The following UPP1 variants were observed in gnomAD, a reference collection of about 807,000 sequenced individuals.
The protein encoded by UPP1 is UPase 1.
Under a neutral mutation model 29.6 loss-of-function variants are expected in UPP1, and 25 were observed. That is an observed-to-expected ratio of 0.85 (90% confidence interval 0.62 to 1.18). UPP1 has a LOEUF of 1.18. Among genes scored for constraint, UPP1 ranks in the 50% most tolerant of loss-of-function variants. The pLI is 0.00. For missense variants in UPP1, 368 were observed against 410.4 expected (o/e 0.90, Z 0.89); for synonymous variants, 165 against 159.8 (o/e 1.03, Z -0.25).
intron 2 of UPP1, among the ~76,000 whole-genome samples, chr7:48,092,704 CTTTTTTTTTTTT>C (rs1207379327): frequency 7.3e-6 from 1 of 136,066 alleles, no homozygotes; most frequent in Non-Finnish European, 1.6e-5. Flanking sequence ...CTGTTTGTTT[CTTTTTTTTTTTT>C]TTTTGAGACA....
At chr7:48,100,896 C>A (rs566027909) in intron 4 of UPP1, among the ~76,000 whole-genome samples, 1 of 151,666 alleles carries the variant, frequency 6.6e-6, no homozygotes, top group African/African-American at 2.4e-5. Flanking sequence ...TAATTCTTTT[C>A]TTTTATCTTC....
At chr7:48,096,732 C>T (rs559831473) in intron 3 of UPP1, among the ~76,000 whole-genome samples, 1 of 152,240 alleles carries the variant, frequency 6.6e-6, no homozygotes. Flanking sequence ...CAGGGTTTCG[C>T]CCTTTTACCT....
At chr7:48,089,228 G>T (rs1249612806), upstream of UPP1, 1 of 152,182 alleles carries the variant, frequency 6.6e-6, no homozygotes, top group East Asian at 1.9e-4. Context: ...GCCGCTCGCA[G>T]ACTCCATATG....
intron 3 of UPP1, among the ~76,000 whole-genome samples, chr7:48,097,712 T>C (rs563746373): frequency 6.6e-6 from 1 of 152,346 alleles, no homozygotes; most frequent in African/African-American, 2.4e-5. Flanking sequence ...TTCTATGTTG[T>C]ACTCTGTGTA....
Position 48,106,988 on chromosome 7 carries a change from G to C in UPP1, c.552G>C (p.Lys184Asn). The C allele has an allele frequency of 6.2e-7, 1 of 1,613,180 alleles. No individual in the cohort carries two copies. Among genetic ancestry groups the C allele is most frequent in the Non-Finnish European group, 8.5e-7 (1 of 1,179,986 alleles). Reference sequence around the variant, plus strand: ...TCATCCGGAAAACGGACCTTAACAAGAAGCTGGTGCAGGAGCTGTTGCTGT... The same window carrying C: ...TCATCCGGAAAACGGACCTTAACAACAAGCTGGTGCAGGAGCTGTTGCTGT... ...KRVIRKTDLN[K>N]KLVQELLLCS... is the part of the protein sequence containing the mutation. The change falls in exon 7 of 9, where the codon AAG becomes AAC. Residue 184 changes from lysine (K) to asparagine (N), a missense_variant. Lys to Asn is a moderately conservative substitution (Grantham distance 94, BLOSUM62 0). Transcript: ENST00000395564.
chr7:48,107,193 A>T, intron 7 of UPP1, 111 bp downstream of exon 7: 1 of 1,450,202 alleles, frequency 6.9e-7, no homozygotes, highest in South Asian at 1.2e-5. Context: ...CTGCTGTCTC[A>T]GTTACACTTC....
chr7:48,092,955 C>T (rs1050275823), intron 2 of UPP1, among the ~76,000 whole-genome samples: 4 of 152,172 alleles, frequency 2.6e-5, no homozygotes, highest in East Asian at 1.9e-4. Context: ...CTGGCCTCCT[C>T]GGCCTCCCAA....
intron 3 of UPP1, among the ~76,000 whole-genome samples, chr7:48,099,327 C>T (rs141489144): frequency 6.6e-6 from 1 of 152,136 alleles, no homozygotes; most frequent in Non-Finnish European, 1.5e-5. Flanking sequence ...GTTTATACAT[C>T]GAATGAACTT....
chr7:48,106,985 CAAG>C lies in UPP1; in HGVS notation c.553_555del (p.Lys185del). 1.2e-6 allele frequency: 2 copies of C among 1,613,216 alleles called. No homozygotes were observed. The highest frequency in any genetic ancestry group is 1.7e-6 in the Non-Finnish European group (2 of 1,179,990). ...GGGTCATCCGGAAAACGGACCTTAA[CAAG>C]AAGCTGGTGCAGGAGCTGTTGCTGT... On this transcript the variant is annotated inframe_deletion, in exon 7 of 9. Coordinates refer to ENST00000395564, the MANE Select transcript of UPP1 (RefSeq NM_003364.4).
chr7:48,097,905 T>G (rs1792208269), intron 3 of UPP1, among the ~76,000 whole-genome samples: 1 of 152,154 alleles, frequency 6.6e-6, no homozygotes, highest in Non-Finnish European at 1.5e-5. Flanking sequence ...CTGGATTTGG[T>G]CGCTTGAAAA....
intron 2 of UPP1, among the ~76,000 whole-genome samples, chr7:48,094,159 A>C (rs1475360055): frequency 6.6e-6 from 1 of 152,224 alleles, no homozygotes; most frequent in African/African-American, 2.4e-5. Context: ...GACTGTCTCT[A>C]TTAAAAAAAG....
intron 2 of UPP1, among the ~76,000 whole-genome samples, chr7:48,091,100 C>G (rs915738795): frequency 2.0e-5 from 3 of 152,196 alleles, no homozygotes; most frequent in African/African-American, 7.2e-5. Flanking sequence ...TTTTCCTCTT[C>G]CCTAAAGATA....
At chr7:48,106,746 G>A (rs921640255) in intron 6 of UPP1, 127 bp from the exon 7 acceptor site, 6 of 805,630 alleles carry the variant, frequency 7.4e-6, no homozygotes, top group Admixed American at 4.4e-5. Flanking sequence ...TGGATGCTTC[G>A]TGTTTGGATG....
At chr7:48,103,666 G>T in intron 6 of UPP1, 1 of 1,058,716 alleles carries the variant, frequency 9.4e-7, no homozygotes, top group Non-Finnish European at 1.3e-6. Context: ...CATCCTTTTG[G>T]GGTTACACAA....
Position 48,101,995 on chromosome 7 carries a change from C to T in UPP1, c.321+13C>T, listed in dbSNP as rs1329144333. 6.2e-7 allele frequency: 1 copy of T among 1,611,530 alleles called. No homozygotes were observed. Among genetic ancestry groups the T allele is most frequent in the African/African-American group, 1.3e-5 (1 of 74,978 alleles). The stretch of plus-strand genomic sequence containing the variant: ...GCTGTCTGTCAGTGTGAGTACCTGC[C>T]TTCCCTTGTGCTCAGTCTCTAGGCT... On this transcript the variant is annotated intron_variant, in intron 5 of 8. Transcript: ENST00000395564.
At chr7:48,096,210 CCCTT>C (rs1220436348) in intron 3 of UPP1, among the ~76,000 whole-genome samples, 28 of 152,280 alleles carry the variant, frequency 1.8e-4, no homozygotes, top group African/African-American at 6.5e-4. Context: ...ATTTTACCCT[CCCTT>C]GTTTTATCCT....
chr7:48,094,752 T>A lies in UPP1; in HGVS notation c.-21-11T>A. ...GTGGATTCACTCCATTCTGTGATTT[T>A]TTTTCCTTAGGGTCCTGCCTCAGTT... On this transcript the variant is annotated splice_polypyrimidine_tract_variant and intron_variant, in intron 2 of 8. Coordinates refer to ENST00000395564, the MANE Select transcript of UPP1 (RefSeq NM_003364.4). The A allele has an allele frequency of 6.2e-7, 1 of 1,614,134 alleles. No individual in the cohort carries two copies. The highest frequency in any genetic ancestry group is 8.5e-7 in the Non-Finnish European group (1 of 1,179,972).
intron 3 of UPP1, among the ~76,000 whole-genome samples, chr7:48,096,579 G>C (rs915156139): frequency 3.3e-5 from 5 of 151,794 alleles, no homozygotes; most frequent in South Asian, 2.1e-4. Flanking sequence ...TTTTCTTCTT[G>C]TCTCCACATG....
Position 48,103,493 on chromosome 7 carries a change from A to T in UPP1, c.436+82A>T, listed in dbSNP as rs533219616. 1.1e-5 allele frequency: 14 copies of T among 1,226,132 alleles called. No homozygotes were observed. The East Asian group carries it at 2.8e-4, about 25-fold the overall frequency. 76.0% of individuals were successfully genotyped at this position (1,226,132 alleles called of 1,614,324 possible). A position where few individuals can be genotyped will look rare whatever the true frequency, so the allele number is the denominator to read the frequency against. ...CAAGGCAGCTTCTACATGGTGTGGC[A>T]TTAGAGACAAAGAGTTCCTTTCTTG... On this transcript the variant is annotated intron_variant, in intron 6 of 8. Coordinates refer to ENST00000395564, the MANE Select transcript of UPP1 (RefSeq NM_003364.4).
Sources: gnomAD v4.1 joint callset for allele counts (sites outside exome capture counted in the v4.1 genomes callset) on GRCh38, gnomAD v4.1.1 for gene constraint, MANE v1.5 for transcripts, NCBI Gene and HGNC (gene_info 2026-07-23, HGNC 2026-07-21) for gene names.